TMLHE: variants seen among roughly 807,000 people sequenced by gnomAD.
TMLHE encodes trimethyllysine dioxygenase, mitochondrial.
Under a neutral mutation model 25.7 loss-of-function variants are expected in TMLHE, and 18 were observed. The ratio of observed to expected loss-of-function variants is 0.70; its 90% CI spans 0.48 to 1.04. The LOEUF (loss-of-function observed/expected upper bound fraction) is 1.04. TMLHE is among the 50% of genes least tolerant of loss of function. The probability of loss-of-function intolerance (pLI) is 0.00; values close to 1 mark genes in which losing one functional copy is unlikely to be tolerated. For missense variants in TMLHE, 236 were observed against 259.0 expected, an observed-to-expected ratio of 0.91 and a Z score of 0.61; for synonymous variants, 105 against 97.0, an observed-to-expected ratio of 1.08 and a Z score of -0.49.
intron 1 of TMLHE, among the ~76,000 whole-genome samples, chrX:155,556,636 A>G (rs1445055098): frequency 9.1e-6 from 1 of 109,543 alleles, no homozygotes; most frequent in African/African-American, 3.3e-5. Flanking sequence ...ACAGGACCAC[A>G]GGACGGAAGC....
intron 2 of TMLHE, among the ~76,000 whole-genome samples, chrX:155,534,296 C>T (rs1005840619): frequency 1.1e-4 from 12 of 111,964 alleles, no homozygotes; most frequent in Non-Finnish European, 1.9e-4. Flanking sequence ...TGCAGTGGTG[C>T]GATCTCGGCT....
At chrX:155,589,848 C>CTTGA in intron 1 of TMLHE, among the ~76,000 whole-genome samples, 1 of 112,051 alleles carries the variant, frequency 8.9e-6, no homozygotes, top group African/African-American at 3.2e-5. Flanking sequence ...AATACCCTGA[C>CTTGA]TTGATCTTTA....
At chrX:155,581,595 A>G (rs2067628869) in intron 1 of TMLHE, among the ~76,000 whole-genome samples, 1 of 111,393 alleles carries the variant, frequency 9.0e-6, no homozygotes, top group African/African-American at 3.3e-5. Flanking sequence ...AGAATAAAAT[A>G]CCTAGGAATC....
At chrX:155,598,963 C>T (rs1290080416) in intron 1 of TMLHE, among the ~76,000 whole-genome samples, 1 of 111,043 alleles carries the variant, frequency 9.0e-6, no homozygotes, top group Non-Finnish European at 1.9e-5. Flanking sequence ...CCACCTCCTC[C>T]ACCCCTTCCA....
rs1378831579 is a variant in TMLHE, at chrX:155,565,915, C to T, written c.-1-20638G>A. ...CCCCGTGGGGGTCTCCTGCATTGCT[C>T]TGTTGGAGAAGTCCCTTTCTCAGAT... On this transcript the variant is annotated intron_variant, in intron 1 of 7. Coordinates refer to ENST00000334398, the MANE Select transcript of TMLHE (RefSeq NM_018196.4). 3.2e-5 allele frequency among the ~76,000 whole-genome samples: 2 copies of T among 61,948 alleles called. 1 individual carries two copies. Among genetic ancestry groups the T allele is most frequent in the Non-Finnish European group, 9.0e-5 (2 of 22,117 alleles). 53.8% of individuals were successfully genotyped at this position (61,948 alleles called of 115,157 possible). A position where few individuals can be genotyped will look rare whatever the true frequency, so the allele number is the denominator to read the frequency against.
chrX:155,535,443 GCTCT>G (rs2067273041), intron 2 of TMLHE, among the ~76,000 whole-genome samples: 1 of 111,728 alleles, frequency 9.0e-6, no homozygotes, highest in African/African-American at 3.3e-5. Context: ...GATAGAATGT[GCTCT>G]CTCTTATAAT....
At chrX:155,556,180 T>C (rs994201265) in intron 1 of TMLHE, among the ~76,000 whole-genome samples, 7 of 48,062 alleles carry the variant, frequency 1.5e-4, no homozygotes, top group Non-Finnish European at 3.7e-4. Context: ...ACAGCTGACA[T>C]GCAGCAATGA....
chrX:155,539,888 T>C (rs1458744116), intron 2 of TMLHE, among the ~76,000 whole-genome samples: 4 of 110,239 alleles, frequency 3.6e-5, no homozygotes, highest in Non-Finnish European at 7.6e-5. Context: ...CTGAAGTATC[T>C]AATAATCGAA....
At chrX:155,586,486 C>T (rs1009913642) in intron 1 of TMLHE, among the ~76,000 whole-genome samples, 2 of 110,150 alleles carry the variant, frequency 1.8e-5, no homozygotes, top group African/African-American at 6.6e-5. Context: ...TGAACAAAAC[C>T]CAAAATTAGC....
intron 2 of TMLHE, among the ~76,000 whole-genome samples, chrX:155,542,491 T>C (rs1411364268): frequency 9.0e-6 from 1 of 111,670 alleles, no homozygotes; most frequent in Non-Finnish European, 1.9e-5. Flanking sequence ...ATGGAATTTG[T>C]TGTAGAAACA....
intron 1 of TMLHE, among the ~76,000 whole-genome samples, chrX:155,556,340 G>T (rs1352596522): frequency 5.8e-5 from 5 of 86,795 alleles, no homozygotes; most frequent in Non-Finnish European, 1.2e-4. Context: ...ATTATCGGGG[G>T]ACCTGCCCCG....
At position 155,506,993 on chromosome X, in the gene TMLHE, T is replaced by C. The variant is rs782372493; in HGVS notation, c.900A>G (p.Glu300=). ...ELLSKVPLKH[E]YIEDVGECHN... ...GACATTCTCCAACATCTTCAATATA[T>C]TCATGCTTCAATGGCACTTTACTGA... The change falls in exon 6 of 8, where the codon GAA becomes GAG. Residue 300 remains glutamate (E), a synonymous_variant. Transcript: ENST00000334398. The C allele has an allele frequency of 5.8e-6, 7 of 1,210,121 alleles. No individual in the cohort carries two copies. Among genetic ancestry groups the C allele is most frequent in the Non-Finnish European group, 6.7e-6 (6 of 894,459 alleles).
At chrX:155,575,023 G>A (rs193191167) in intron 1 of TMLHE, among the ~76,000 whole-genome samples, 166 of 111,842 alleles carry the variant, frequency 1.5e-3, no homozygotes, top group Non-Finnish European at 2.6e-3. Context: ...AAAGTGCCAC[G>A]AACTGGGTGG....
At chrX:155,533,381 A>G (rs2067260667) in intron 2 of TMLHE, among the ~76,000 whole-genome samples, 1 of 110,241 alleles carries the variant, frequency 9.1e-6, no homozygotes, top group Non-Finnish European at 1.9e-5. Context: ...GTGCACACGC[A>G]CACACACACA....
intron 2 of TMLHE, among the ~76,000 whole-genome samples, chrX:155,533,345 A>G (rs2067259698): frequency 1.0e-5 from 1 of 100,386 alleles, no homozygotes. Flanking sequence ...ATTCCTTTAC[A>G]CACACACATA....
intron 1 of TMLHE, among the ~76,000 whole-genome samples, chrX:155,583,485 A>T (rs2124476364): frequency 9.6e-6 from 1 of 104,133 alleles, no homozygotes. Flanking sequence ...ACATGTAGGA[A>T]TTCAAGATGA....
chrX:155,547,840 C>T (rs988070258), intron 1 of TMLHE, among the ~76,000 whole-genome samples: 2 of 111,002 alleles, frequency 1.8e-5, no homozygotes, highest in Admixed American at 1.9e-4. Flanking sequence ...TTCAAGGAAA[C>T]TGTTGATGAG....
intron 1 of TMLHE, among the ~76,000 whole-genome samples, chrX:155,582,169 T>C (rs61987189): frequency 8.9e-6 from 1 of 111,980 alleles, no homozygotes; most frequent in Middle Eastern, 4.6e-3. Context: ...ATACAAAAAT[T>C]AATTCAAGAT....
At chrX:155,555,474 A>G (rs1374758858) in intron 1 of TMLHE, among the ~76,000 whole-genome samples, 1 of 110,510 alleles carries the variant, frequency 9.0e-6, no homozygotes, top group Non-Finnish European at 1.9e-5. Context: ...CAATGGTTGA[A>G]CTAGTTTACA....
Sources: allele counts gnomAD v4.1 joint callset (sites outside exome capture counted in the v4.1 genomes callset), GRCh38; gene constraint gnomAD v4.1.1; transcripts MANE v1.5; gene names NCBI Gene and HGNC (gene_info 2026-07-23, HGNC 2026-07-21).